The following TUSC3 variants were observed in gnomAD, a reference collection of about 807,000 sequenced individuals.
The protein encoded by TUSC3 is tumor suppressor candidate 3.
Under a neutral mutation model 44.8 loss-of-function variants are expected in TUSC3, and 45 were observed. The ratio of observed to expected loss-of-function variants is 1.00; its 90% CI spans 0.79 to 1.29. The LOEUF (loss-of-function observed/expected upper bound fraction) is 1.29. Among genes scored for constraint, TUSC3 ranks in the 50% most tolerant of loss-of-function variants. The pLI is 0.00. For synonymous variants in TUSC3, 212 were observed against 152.9 expected (o/e 1.39, Z -2.85); for missense variants, 519 against 437.9 (o/e 1.19, Z -1.65).
At chr8:15,754,218 T>G (rs1176372458) in intron 9 of TUSC3, among the ~76,000 whole-genome samples, 1 of 152,152 alleles carries the variant, frequency 6.6e-6, no homozygotes, top group Non-Finnish European at 1.5e-5. Flanking sequence ...TGGCCTTTAG[T>G]ACTTCTGCAA....
chr8:15,554,319 G>C (rs1428378060), intron 1 of TUSC3, among the ~76,000 whole-genome samples: 1 of 151,674 alleles, frequency 6.6e-6, no homozygotes, highest in African/African-American at 2.4e-5. Flanking sequence ...GAAATGCAAG[G>C]AGATGTGTGT....
chr8:15,536,191 C>T (rs1185628236), upstream of TUSC3, among the ~76,000 whole-genome samples: 3 of 152,090 alleles, frequency 2.0e-5, no homozygotes, highest in Non-Finnish European at 4.4e-5. Flanking sequence ...TTTGGGAAAG[C>T]AAGACAGCTA....
At chr8:15,786,903 C>T in the TUSC3 span, among the ~76,000 whole-genome samples, 31 of 142,282 alleles carry the variant, frequency 2.2e-4, no homozygotes, top group Admixed American at 1.7e-3. Flanking sequence ...GAGATCGTGC[C>T]ACTGCACTCC....
Position 15,707,947 on chromosome 8 carries a change from G to A in TUSC3, c.799-22719G>A, listed in dbSNP as rs528499606. On this transcript the variant is annotated intron_variant, in intron 6 of 10. Coordinates refer to ENST00000503731, the MANE Select transcript of TUSC3 (RefSeq NM_006765.4). ...GGCAATTGCTAGCGTTCCTTGGCTT[G>A]TATTAATAGATGCCCCACTCCAGTC... Among the ~76,000 whole-genome samples, 4 of 151,952 alleles carry A rather than the reference G, an allele frequency of 2.6e-5. No homozygotes were observed. In the East Asian group the frequency reaches 7.8e-4, roughly 29 times the overall value.
chr8:15,494,320 C>CTTTTT lies in TUSC3; in HGVS notation n.189+10848_189+10852dup, dbSNP rs71211045. ...CTCCATAGGGCTTATCTCTCATCTT[C>CTTTTT]TTTTTTTTTTTTTTTGAGACAGAGT... is the stretch of plus-strand genomic sequence containing the variant. On this transcript the variant is annotated intron_variant and non_coding_transcript_variant, in intron 2 of 5. Coordinates refer to the TUSC3 transcript ENST00000503191. Among the ~76,000 whole-genome samples the CTTTTT allele has an allele frequency of 7.3e-5, 10 of 136,572 alleles. No individual in the cohort carries two copies. The South Asian group carries it at 1.8e-3, about 25-fold the overall frequency. The allele number at this position is 136,572 out of a possible 152,430, so 89.6% of individuals were successfully genotyped here.
chr8:15,479,931 C>G (rs1800635795), intron 1 of TUSC3, among the ~76,000 whole-genome samples: 1 of 152,154 alleles, frequency 6.6e-6, no homozygotes, highest in African/African-American at 2.4e-5. Context: ...GCTTCTAAAG[C>G]TGATGAGCAA....
intron 6 of TUSC3, among the ~76,000 whole-genome samples, chr8:15,711,203 T>G (rs1021526305): frequency 6.6e-6 from 1 of 151,798 alleles, no homozygotes; most frequent in Non-Finnish European, 1.5e-5. Flanking sequence ...TCTGAAAAAT[T>G]CCTGTAAGTC....
chr8:15,639,685 G>C (rs926126196), intron 2 of TUSC3, among the ~76,000 whole-genome samples: 5 of 150,248 alleles, frequency 3.3e-5, no homozygotes, highest in African/African-American at 1.2e-4. Flanking sequence ...AATGATTTTA[G>C]TTTATGTTAG....
At chr8:15,635,993 T>G (rs1413510898) in intron 2 of TUSC3, among the ~76,000 whole-genome samples, 1 of 152,168 alleles carries the variant, frequency 6.6e-6, no homozygotes, top group Non-Finnish European at 1.5e-5. Flanking sequence ...CTTTATCTCT[T>G]AGTCTGTAGT....
chr8:15,517,320 C>A (rs1040053744), intron 2 of TUSC3, among the ~76,000 whole-genome samples: 10 of 152,060 alleles, frequency 6.6e-5, no homozygotes, highest in Non-Finnish European at 1.0e-4. Flanking sequence ...TCTAGCAGTG[C>A]TCTATTCTTC....
chr8:15,524,270 A>C (rs1801343803), intron 2 of TUSC3, among the ~76,000 whole-genome samples: 1 of 152,134 alleles, frequency 6.6e-6, no homozygotes, highest in African/African-American at 2.4e-5. Context: ...CTATTTATAT[A>C]ATATATTTCA....
intron 1 of TUSC3, among the ~76,000 whole-genome samples, chr8:15,618,875 G>A (rs73193393): frequency 0.19 from 29,614 of 152,100 alleles, 3,756 homozygotes; most frequent in Non-Finnish European, 0.28. Context: ...AGTATTAGGC[G>A]GTAAGAATTT....
intron 1 of TUSC3, among the ~76,000 whole-genome samples, chr8:15,608,580 G>A (rs2129157804): frequency 6.6e-6 from 1 of 152,242 alleles, no homozygotes; most frequent in Middle Eastern, 3.4e-3. Context: ...ATGTGTCACG[G>A]GAGGAACCTG....
chr8:15,458,435 C>T (rs1395963944), intron 1 of TUSC3, among the ~76,000 whole-genome samples: 5 of 152,092 alleles, frequency 3.3e-5, no homozygotes, highest in Non-Finnish European at 7.4e-5. Flanking sequence ...GATGAGGTTT[C>T]ACCATGTTGC....
chr8:15,422,747 G>A lies in TUSC3; in HGVS notation n.91+5442G>A, dbSNP rs114935003. Among the ~76,000 whole-genome samples, 511 of 152,010 alleles carry A rather than the reference G, an allele frequency of 3.4e-3. 4 individuals are homozygous for A. Among genetic ancestry groups the A allele is most frequent in the African/African-American group, 0.011 (445 of 41,474 alleles). ...GGTCACTGTAGCTTCAATTCCCCCA[G>A]GCGCCCCACCTCAGCCTCCCAGGTA... On this transcript the variant is annotated intron_variant and non_coding_transcript_variant, in intron 1 of 5. Transcript: ENST00000503191.
rs530017916 is a variant in TUSC3, at chr8:15,506,784, C to G, written n.189+23301C>G. 4.6e-5 allele frequency among the ~76,000 whole-genome samples: 7 copies of G among 152,258 alleles called. No homozygotes were observed. In the South Asian group the frequency reaches 6.2e-4, roughly 14 times the overall value. ...CGTGAGGATTATAGGAGCTACATTT[C>G]AAGATGAGATTTCGGTGGGTCAAAC... On this transcript the variant is annotated intron_variant and non_coding_transcript_variant, in intron 2 of 5. Transcript: ENST00000503191.
chr8:15,608,089 T>C (rs1804611302), intron 1 of TUSC3, among the ~76,000 whole-genome samples: 1 of 152,198 alleles, frequency 6.6e-6, no homozygotes, highest in African/African-American at 2.4e-5. Context: ...TACATTTAAA[T>C]GTATTTGCAT....
At chr8:15,440,176 G>T (rs1041002551) in intron 1 of TUSC3, among the ~76,000 whole-genome samples, 1 of 152,210 alleles carries the variant, frequency 6.6e-6, no homozygotes, top group African/African-American at 2.4e-5. Flanking sequence ...TGAGGCTTCA[G>T]CTGAGGGCTG....
intron 2 of TUSC3, among the ~76,000 whole-genome samples, chr8:15,517,815 C>A (rs7015846): frequency 0.91 from 138,578 of 152,034 alleles, 63,486 homozygotes; most frequent in Non-Finnish European, 0.95. Flanking sequence ...ATAAATAATG[C>A]ATATGTGTTT....
Sources: allele counts gnomAD v4.1 joint callset (sites outside exome capture counted in the v4.1 genomes callset), GRCh38; gene constraint gnomAD v4.1.1; transcripts MANE v1.5; gene names NCBI Gene and HGNC (gene_info 2026-07-23, HGNC 2026-07-21).